The following NUP205 variants were observed in gnomAD, a reference collection of about 807,000 sequenced individuals.
The protein encoded by NUP205 is nuclear pore complex protein Nup205.
A neutral mutation model predicts 253.8 loss-of-function variants in NUP205; 76 were observed. That is an observed-to-expected ratio of 0.30 (90% confidence interval 0.25 to 0.36). The LOEUF is 0.36. Ranked by LOEUF, NUP205 falls within the 10% of genes least tolerant of loss-of-function variation. The pLI is 1.00. For synonymous variants in NUP205, 832 were observed against 850.1 expected (o/e 0.98, Z 0.37); for missense variants, 2,162 against 2,425.5 (o/e 0.89, Z 2.28).
At chr7:135,617,846 T>C (rs12538982) in intron 27 of NUP205, among the ~76,000 whole-genome samples, 164 bp downstream of exon 27, 5,137 of 151,280 alleles carry the variant, frequency 0.034, 116 homozygotes, top group Middle Eastern at 0.1. Context: ...TTTTATAAAC[T>C]GAACTATCTG....
In NUP205 at chr7:135,617,688, C is replaced by G; in HGVS notation, c.3771+6C>G. On this transcript the variant is annotated splice_donor_region_variant and intron_variant, in intron 27 of 42. Coordinates refer to ENST00000285968, the MANE Select transcript of NUP205 (RefSeq NM_015135.3). ...AGAGACCTCTACTAATGGAGGTAAGCTCTATTGAGTATGTGTTCGTTTCAA... is the reference window on the plus strand; with the variant it reads ...AGAGACCTCTACTAATGGAGGTAAGGTCTATTGAGTATGTGTTCGTTTCAA... 1 of 1,576,584 alleles carries G rather than the reference C, an allele frequency of 6.3e-7. No homozygotes were observed. The highest frequency in any genetic ancestry group is 1.3e-5 in the African/African-American group (1 of 74,184).
intron 30 of NUP205, among the ~76,000 whole-genome samples, chr7:135,621,503 G>A (rs891223104): frequency 6.6e-6 from 1 of 152,172 alleles, no homozygotes; most frequent in Non-Finnish European, 1.5e-5. Context: ...TTTAAAAACT[G>A]CTGCTATGTA....
In NUP205 at chr7:135,645,369, TTAAG is replaced by T. The variant is rs1316022934; in HGVS notation, c.5684-97_5684-94del. 4 of 1,242,056 alleles carry T rather than the reference TTAAG, an allele frequency of 3.2e-6. No homozygotes were observed. The Admixed American group carries it at 6.0e-5, about 19-fold the overall frequency. The allele number at this position is 1,242,056 out of a possible 1,614,324, so 76.9% of individuals were successfully genotyped here. On this transcript the variant is annotated intron_variant, in intron 40 of 42. Transcript: ENST00000285968. ...TTAGACTGAGGCTGTGGGTACCTCA[TTAAG>T]TGAGTGCAGTCTGTCCTTTTTTCTT... is the stretch of plus-strand genomic sequence containing the variant.
Position 135,625,402 on chromosome 7 carries a change from C to T in NUP205, c.4671+47C>T, listed in dbSNP as rs1311380770. The stretch of plus-strand genomic sequence containing the variant: ...ATGTTAGATCAAGAAGTCGTTTTCT[C>T]TTGGCTATAGATGTATTAAAGAAAA... On this transcript the variant is annotated intron_variant, in intron 32 of 42. Coordinates refer to ENST00000285968, the MANE Select transcript of NUP205 (RefSeq NM_015135.3). The T allele has an allele frequency of 2.8e-6, 4 of 1,410,800 alleles. No homozygotes were observed. In the African/African-American group the frequency reaches 5.8e-5, roughly 21 times the overall value. The allele number at this position is 1,410,800 out of a possible 1,614,324, so 87.4% of individuals were successfully genotyped here.
intron 34 of NUP205, 120 bp from the exon 35 acceptor site, chr7:135,630,224 T>C (rs1794680975): frequency 1.6e-6 from 1 of 614,318 alleles, no homozygotes; most frequent in Non-Finnish European, 2.5e-6. Flanking sequence ...TATTACTGAG[T>C]ATTATGGTAA....
In NUP205 at chr7:135,619,821, G is replaced by A. The variant is rs1794437351; in HGVS notation, c.4263G>A (p.Leu1421=). The change falls in exon 30 of 43, where the codon TTG becomes TTA. Residue 1421 remains leucine (L), a synonymous_variant. Transcript: ENST00000285968. The part of the protein sequence containing the change: ...GGGFQRVRTH[L]YGSLLYYLQI... ...GATTCCAACGAGTGAGGACTCACTT[G>A]TATGGCTCTCTGCTTTATTACTTAC... 1.9e-6 allele frequency: 3 copies of A among 1,613,774 alleles called. No individual in the cohort carries two copies. The highest frequency in any genetic ancestry group is 2.2e-5 in the East Asian group (1 of 44,864).
Position 135,638,548 on chromosome 7 carries a change from T to G in NUP205, c.5266-9T>G, listed in dbSNP as rs777652316. On this transcript the variant is annotated splice_polypyrimidine_tract_variant and intron_variant, in intron 37 of 42. Coordinates refer to ENST00000285968, the MANE Select transcript of NUP205 (RefSeq NM_015135.3). ...TCTTAACATTTTTGTTACTGTTTTTTGATTATAGATTTGTGCCAATGTAAT... is the reference window on the plus strand; with the variant it reads ...TCTTAACATTTTTGTTACTGTTTTTGGATTATAGATTTGTGCCAATGTAAT... 6.2e-7 allele frequency: 1 copy of G among 1,612,448 alleles called. No individual in the cohort carries two copies.
chr7:135,565,520 C>T (rs1304660290), intron 1 of NUP205, among the ~76,000 whole-genome samples: 3 of 150,998 alleles, frequency 2.0e-5, no homozygotes, highest in Admixed American at 2.0e-4. Flanking sequence ...GCAACCGCCA[C>T]TCCCAGGGTT....
chr7:135,641,287 G>A (rs1403988044), intron 38 of NUP205, among the ~76,000 whole-genome samples: 1 of 152,206 alleles, frequency 6.6e-6, no homozygotes, highest in East Asian at 1.9e-4. Context: ...TTATACAAAT[G>A]TTATCTGGGG....
intron 15 of NUP205, 62 bp downstream of exon 15, chr7:135,598,269 G>A: frequency 7.2e-7 from 1 of 1,395,740 alleles, no homozygotes; most frequent in Non-Finnish European, 1.0e-6. Context: ...TTTATCAAAA[G>A]TATATGGTGC....
intron 7 of NUP205, among the ~76,000 whole-genome samples, chr7:135,580,745 G>A (rs960608681): frequency 5.3e-5 from 8 of 152,090 alleles, no homozygotes; most frequent in Non-Finnish European, 8.8e-5. Context: ...TTACAGGCGC[G>A]AGCCACCATG....
At chr7:135,603,068 G>C (rs1326722061) in intron 18 of NUP205, 74 bp downstream of exon 18, 3 of 1,064,388 alleles carry the variant, frequency 2.8e-6, no homozygotes, top group Non-Finnish European at 4.1e-6. Context: ...AATCTGGTTA[G>C]GTATCTAGTG....
intron 10 of NUP205, 27 bp downstream of exon 10, chr7:135,588,019 T>C: frequency 3.2e-6 from 5 of 1,584,304 alleles, no homozygotes; most frequent in Non-Finnish European, 4.3e-6. Flanking sequence ...TCCTCTTTTA[T>C]ACTCTGGTAC....
intron 38 of NUP205, among the ~76,000 whole-genome samples, chr7:135,641,905 A>G (rs1216173183): frequency 6.7e-6 from 1 of 150,370 alleles, no homozygotes; most frequent in Admixed American, 6.6e-5. Context: ...CTCCTTCAGT[A>G]TTCATGGCAG....
chr7:135,615,091 C>T lies in NUP205; in HGVS notation c.3310+818C>T, dbSNP rs568082296. 3.3e-5 allele frequency among the ~76,000 whole-genome samples: 5 copies of T among 152,276 alleles called. No individual in the cohort carries two copies. The East Asian group carries it at 5.8e-4, about 18-fold the overall frequency. ...AAGAAGCTTTTAGAAACCCTCTTTA[C>T]ACCTAATTAAAAATAAAAATTAACA... On this transcript the variant is annotated intron_variant, in intron 23 of 42. Coordinates refer to ENST00000285968, the MANE Select transcript of NUP205 (RefSeq NM_015135.3).
chr7:135,569,151 A>G (rs1584636646), intron 1 of NUP205, among the ~76,000 whole-genome samples: 2 of 152,032 alleles, frequency 1.3e-5, no homozygotes, highest in South Asian at 4.2e-4. Context: ...GCTCACTCCA[A>G]CCTCCGCCTC....
At chr7:135,560,321 C>G (rs571817836) in intron 1 of NUP205, among the ~76,000 whole-genome samples, 16 of 152,232 alleles carry the variant, frequency 1.1e-4, no homozygotes, top group African/African-American at 1.4e-4. Context: ...AGTACATACT[C>G]GCCCTAAGCT....
intron 5 of NUP205, among the ~76,000 whole-genome samples, chr7:135,577,499 C>CG (rs1806182594): frequency 1.3e-5 from 2 of 152,130 alleles, no homozygotes; most frequent in African/African-American, 4.8e-5. Context: ...AGTTTGTAGT[C>CG]AGCTGTGTCC....
chr7:135,560,092 C>T lies in NUP205; in HGVS notation c.28+2120C>T, dbSNP rs1584629061. 2.6e-5 allele frequency among the ~76,000 whole-genome samples: 4 copies of T among 152,026 alleles called. No homozygotes were observed. The South Asian group carries it at 8.3e-4, about 32-fold the overall frequency. ...CCAGGCTGGTCTCGAGCTCCTGACCCCGTGATTCACTCCCTTCAGCCTCCC... is the reference window on the plus strand; with the variant it reads ...CCAGGCTGGTCTCGAGCTCCTGACCTCGTGATTCACTCCCTTCAGCCTCCC... On this transcript the variant is annotated intron_variant, in intron 1 of 42. Transcript: ENST00000285968.
Sources: allele counts gnomAD v4.1 joint callset (sites outside exome capture counted in the v4.1 genomes callset), GRCh38; gene constraint gnomAD v4.1.1; transcripts MANE v1.5; gene names NCBI Gene and HGNC (gene_info 2026-07-23, HGNC 2026-07-21).